MYO5A: variants seen among roughly 807,000 people sequenced by gnomAD.
MYO5A encodes the protein myosin VA.
In MYO5A, 98 loss-of-function variants were observed where a neutral mutation model predicts 249.7. That is an observed-to-expected ratio of 0.39 (90% CI 0.33 to 0.46). The LOEUF is 0.46. Ranked by LOEUF, MYO5A falls within the 20% of genes least tolerant of loss-of-function variation. The probability of loss-of-function intolerance (pLI) is 0.98; values close to 1 mark genes in which losing one functional copy is unlikely to be tolerated. For missense variants in MYO5A, 1,696 were observed against 2,308.8 expected, an observed-to-expected ratio of 0.73 and a Z score of 5.44; for synonymous variants, 778 against 810.6, an observed-to-expected ratio of 0.96 and a Z score of 0.68.
At chr15:52,350,284 A>G (rs897206503) in intron 28 of MYO5A, among the ~76,000 whole-genome samples, 1 of 152,178 alleles carries the variant, frequency 6.6e-6, no homozygotes, top group African/African-American at 2.4e-5. Context: ...CTCCACTATT[A>G]CAGGAATTTT....
At chr15:52,404,413 T>G (rs2042907384) in intron 9 of MYO5A, among the ~76,000 whole-genome samples, 1 of 152,178 alleles carries the variant, frequency 6.6e-6, no homozygotes, top group Non-Finnish European at 1.5e-5. Context: ...GATTCTTTTC[T>G]TACAGGAGTA....
chr15:52,413,364 G>T (rs571920844), intron 5 of MYO5A, among the ~76,000 whole-genome samples: 6 of 151,846 alleles, frequency 4.0e-5, no homozygotes, highest in African/African-American at 1.4e-4. Context: ...AAATTTCCAG[G>T]AAAAAATGAA....
At chr15:52,351,203 A>T (rs1369216213) in intron 28 of MYO5A, 51 bp downstream of exon 28, 1 of 1,384,022 alleles carries the variant, frequency 7.2e-7, no homozygotes, top group Non-Finnish European at 1.0e-6. Context: ...GGATAAGAAG[A>T]TATTGAGGCC....
rs2039328272 is a variant in MYO5A, at chr15:52,340,521, C to T, written c.4041-127G>A. ...TATTCTTTAGTATCTGTGTTATCTT[C>T]TGACTTGATTAAAGTCAAGAAACTA... is the stretch of plus-strand genomic sequence containing the variant. On this transcript the variant is annotated intron_variant, in intron 31 of 41. Coordinates refer to ENST00000399233, the MANE Select transcript of MYO5A (RefSeq NM_001382347.1). 4.9e-6 allele frequency: 4 copies of T among 810,268 alleles called. No homozygotes were observed. In the South Asian group the frequency reaches 6.1e-5, roughly 12 times the overall value. 50.2% of individuals were successfully genotyped at this position (810,268 alleles called of 1,614,324 possible). A position where few individuals can be genotyped will look rare whatever the true frequency, so the allele number is the denominator to read the frequency against.
intron 1 of MYO5A, among the ~76,000 whole-genome samples, chr15:52,502,164 T>A (rs779910684): frequency 4.6e-5 from 7 of 152,032 alleles, no homozygotes; most frequent in Non-Finnish European, 7.4e-5. Context: ...ACACCTGTAA[T>A]CCCAACTACT....
intron 1 of MYO5A, among the ~76,000 whole-genome samples, chr15:52,460,010 GGTC>G (rs2076210969): frequency 6.6e-6 from 1 of 150,992 alleles, no homozygotes; most frequent in African/African-American, 2.4e-5. Flanking sequence ...TCCCAGACGG[GGTC>G]GCGGCCGGGC....
Position 52,391,980 on chromosome 15 carries a change from G to T in MYO5A, c.1492C>A (p.Leu498Ile). The change falls in exon 12 of 42, where the codon CTT becomes ATT. Residue 498 changes from leucine to isoleucine, a missense_variant. This residue lies in a region of MYO5A where 277 missense variants were observed against 422.4 expected (regional missense o/e 0.66). Transcript: ENST00000399233. ...DFYDNQPCIN[L>I]IESKLGILDL... ...AGAATGCCTAGTTTTGATTCTATAA[G>T]ATTAATACAAGGCTGATTATCATAA... 6.2e-7 allele frequency: 1 copy of T among 1,612,032 alleles called. No individual in the cohort carries two copies. Among genetic ancestry groups the T allele is most frequent in the Non-Finnish European group, 8.5e-7 (1 of 1,178,658 alleles).
chr15:52,318,998 C>T (rs558245956), intron 39 of MYO5A, 62 bp downstream of exon 39: 2 of 1,591,074 alleles, frequency 1.3e-6, no homozygotes, highest in African/African-American at 2.7e-5. Flanking sequence ...CAGCTCTCCA[C>T]AACCCTGGCA....
At chr15:52,332,996 T>C (rs1596304088) in intron 34 of MYO5A, among the ~76,000 whole-genome samples, 1 of 152,094 alleles carries the variant, frequency 6.6e-6, no homozygotes, top group Non-Finnish European at 1.5e-5. Flanking sequence ...GGCAACTAGC[T>C]AAGCCTTTTG....
At chr15:52,528,905 G>A (rs1295820222), upstream of MYO5A, 2 of 1,222,244 alleles carry the variant, frequency 1.6e-6, no homozygotes, top group Non-Finnish European at 2.1e-6. Context: ...GCCGCCGGCA[G>A]GGAGCAGGGC....
chr15:52,397,591 C>T (rs2042546959), intron 9 of MYO5A, 125 bp from the exon 10 acceptor site: 4 of 1,128,806 alleles, frequency 3.5e-6, no homozygotes, highest in Non-Finnish European at 5.3e-6. Flanking sequence ...ACACCAAGAT[C>T]ACTCAAAGTT....
intron 1 of MYO5A, among the ~76,000 whole-genome samples, chr15:52,445,699 C>T (rs1000674213): frequency 2.6e-5 from 4 of 152,120 alleles, no homozygotes; most frequent in Non-Finnish European, 4.4e-5. Context: ...AGGTCTCAGA[C>T]GGAAATGTGG....
At chr15:52,468,064 G>A (rs2076386057) in intron 1 of MYO5A, among the ~76,000 whole-genome samples, 3 of 152,142 alleles carry the variant, frequency 2.0e-5, no homozygotes, top group Admixed American at 6.5e-5. Context: ...ACAAAGAAAA[G>A]ATGGACCAGG....
chr15:52,333,558 A>G (rs1245542324), intron 34 of MYO5A, among the ~76,000 whole-genome samples: 1 of 152,224 alleles, frequency 6.6e-6, no homozygotes, highest in Non-Finnish European at 1.5e-5. Context: ...ATTGATTTCT[A>G]GAATCCTTTC....
chr15:52,496,334 T>A (rs535001245), intron 1 of MYO5A, among the ~76,000 whole-genome samples: 1 of 152,162 alleles, frequency 6.6e-6, no homozygotes, highest in Non-Finnish European at 1.5e-5. Context: ...TGGTAAAAGA[T>A]GCCCACTGCA....
chr15:52,324,156 T>C (rs747740935), intron 36 of MYO5A, among the ~76,000 whole-genome samples: 32 of 151,832 alleles, frequency 2.1e-4, no homozygotes, highest in Non-Finnish European at 4.1e-4. Flanking sequence ...AAAAAGAATT[T>C]GAAGCACTTA....
rs768213084 is a variant in MYO5A, at chr15:52,387,924, T to C, written c.1669-12A>G. The C allele has an allele frequency of 1.9e-5, 30 of 1,580,038 alleles. No individual in the cohort carries two copies. Among genetic ancestry groups the C allele is most frequent in the Non-Finnish European group, 2.4e-5 (28 of 1,150,502 alleles). Reference sequence around the variant, plus strand: ...CACTGGTATTCCACCTGAAAACACATGGAAAAATCTCCTTAACTGATAAAA... The same window carrying C: ...CACTGGTATTCCACCTGAAAACACACGGAAAAATCTCCTTAACTGATAAAA... On this transcript the variant is annotated splice_polypyrimidine_tract_variant and intron_variant, in intron 13 of 41. Coordinates refer to ENST00000399233, the MANE Select transcript of MYO5A (RefSeq NM_001382347.1).
chr15:52,464,548 G>T (rs891797818), intron 1 of MYO5A, among the ~76,000 whole-genome samples: 4 of 152,226 alleles, frequency 2.6e-5, no homozygotes, highest in African/African-American at 9.6e-5. Flanking sequence ...TAACTAGCCA[G>T]AAAGCCTGTG....
intron 11 of MYO5A, 37 bp from the exon 12 acceptor site, chr15:52,392,107 T>C (rs1261560268): frequency 1.1e-5 from 17 of 1,586,762 alleles, no homozygotes; most frequent in Non-Finnish European, 1.5e-5. Flanking sequence ...CATTACTGGA[T>C]CATTGTAACA....
Sources: allele counts gnomAD v4.1 joint callset (sites outside exome capture counted in the v4.1 genomes callset), GRCh38; gene constraint gnomAD v4.1.1; regional missense constraint gnomAD v4.1.1; transcripts MANE v1.5; gene names NCBI Gene and HGNC (gene_info 2026-07-23, HGNC 2026-07-21).